Variants in SRGAP1 observed in about 807,000 individuals in gnomAD.
SRGAP1 encodes SLIT-ROBO Rho GTPase-activating protein 1.
In SRGAP1, 43 loss-of-function variants were observed where a neutral mutation model predicts 121.9. That is an observed-to-expected ratio of 0.35 (90% confidence interval 0.28 to 0.46). The LOEUF (loss-of-function observed/expected upper bound fraction) is 0.46, where lower values mean the gene tolerates loss of function less well. Ranked by LOEUF, SRGAP1 falls within the 20% of genes least tolerant of loss-of-function variation. The pLI, the probability that SRGAP1 is intolerant of heterozygous loss-of-function variation, is 1.00. For missense variants in SRGAP1, 1,102 were observed against 1,350.9 expected (o/e 0.82, Z 2.89); for synonymous variants, 447 against 485.4 (o/e 0.92, Z 1.04).
At chr12:63,889,411 G>T (rs545829968) in intron 1 of SRGAP1, among the ~76,000 whole-genome samples, 1 of 152,082 alleles carries the variant, frequency 6.6e-6, no homozygotes, top group Non-Finnish European at 1.5e-5. Context: ...GGTGATCCCC[G>T]TTCCTATTCC....
intron 8 of SRGAP1, among the ~76,000 whole-genome samples, chr12:64,069,661 C>T (rs1050396760): frequency 6.6e-6 from 1 of 152,056 alleles, no homozygotes; most frequent in Admixed American, 6.6e-5. Flanking sequence ...ATAAACATTA[C>T]TTTTGTTTTT....
intron 21 of SRGAP1, among the ~76,000 whole-genome samples, chr12:64,132,635 GA>G: frequency 6.6e-6 from 1 of 152,300 alleles, no homozygotes; most frequent in Middle Eastern, 3.4e-3. Context: ...GAAGGTCCCT[GA>G]ATTTTAGTCA....
chr12:64,014,296 G>C (rs1377604135), intron 3 of SRGAP1, among the ~76,000 whole-genome samples: 1 of 152,110 alleles, frequency 6.6e-6, no homozygotes, highest in Admixed American at 6.6e-5. Context: ...AGGGCCTCTG[G>C]GGAATGACAA....
At chr12:63,973,826 GT>G (rs1253793646) in intron 1 of SRGAP1, among the ~76,000 whole-genome samples, 2 of 151,938 alleles carry the variant, frequency 1.3e-5, no homozygotes, top group Non-Finnish European at 2.9e-5. Flanking sequence ...AGAAAAACAT[GT>G]GTAAACTTTG....
intron 21 of SRGAP1, among the ~76,000 whole-genome samples, chr12:64,141,495 G>A (rs1017324720): frequency 3.3e-5 from 5 of 151,972 alleles, no homozygotes; most frequent in Admixed American, 2.6e-4. Context: ...CAGGAGAATT[G>A]TTTGAACCCG....
chr12:63,899,427 T>C (rs1200887303), intron 1 of SRGAP1, among the ~76,000 whole-genome samples: 1 of 152,168 alleles, frequency 6.6e-6, no homozygotes, highest in African/African-American at 2.4e-5. Flanking sequence ...ACCAATTAAA[T>C]TTAACAGAGT....
At chr12:64,052,692 C>T (rs2035259948) in intron 6 of SRGAP1, among the ~76,000 whole-genome samples, 2 of 151,968 alleles carry the variant, frequency 1.3e-5, no homozygotes, top group African/African-American at 4.8e-5. Context: ...TAAAGCTCAC[C>T]AATATACTTG....
At chr12:63,971,469 G>C (rs2032945393) in intron 1 of SRGAP1, among the ~76,000 whole-genome samples, 1 of 152,124 alleles carries the variant, frequency 6.6e-6, no homozygotes, top group Non-Finnish European at 1.5e-5. Flanking sequence ...ATTGTTTAAT[G>C]AACATTGTTG....
At position 64,115,432 on chromosome 12, in the gene SRGAP1, A is replaced by G. The variant is rs1592335506; in HGVS notation, c.2145-382A>G. 2.0e-5 allele frequency among the ~76,000 whole-genome samples: 3 copies of G among 152,250 alleles called. No individual in the cohort carries two copies. In the East Asian group the frequency reaches 5.8e-4, roughly 29 times the overall value. ...TACTCTTTTGTCCTTATAGAGTCTT[A>G]TAGTTTTCATTACAGTAGCAATTGC... On this transcript the variant is annotated intron_variant, in intron 17 of 21. Coordinates refer to ENST00000355086, the MANE Select transcript of SRGAP1 (RefSeq NM_020762.4).
chr12:63,960,019 C>G (rs895934006), intron 1 of SRGAP1, among the ~76,000 whole-genome samples: 2 of 151,356 alleles, frequency 1.3e-5, no homozygotes, highest in Non-Finnish European at 2.9e-5. Flanking sequence ...GGACTTGACC[C>G]TGTGGCCTCC....
chr12:64,138,330 A>AT (rs974544286), intron 21 of SRGAP1, among the ~76,000 whole-genome samples: 1 of 151,202 alleles, frequency 6.6e-6, no homozygotes, highest in Non-Finnish European at 1.5e-5. Flanking sequence ...CATAATTTAA[A>AT]TTTTTTTGTA....
chr12:64,075,571 G>A (rs2035722303), intron 8 of SRGAP1, among the ~76,000 whole-genome samples: 1 of 152,130 alleles, frequency 6.6e-6, no homozygotes, highest in Non-Finnish European at 1.5e-5. Context: ...ACATCTGTTT[G>A]TTTGAAATAC....
At chr12:64,139,934 G>A (rs1220681198) in intron 21 of SRGAP1, among the ~76,000 whole-genome samples, 3 of 150,970 alleles carry the variant, frequency 2.0e-5, no homozygotes, top group African/African-American at 7.3e-5. Context: ...TGTAAGGAAG[G>A]GATCCAGTTT....
chr12:63,905,308 G>A (rs1283053097), intron 1 of SRGAP1, among the ~76,000 whole-genome samples: 1 of 152,174 alleles, frequency 6.6e-6, no homozygotes, highest in Non-Finnish European at 1.5e-5. Context: ...GGAGTGGGTA[G>A]TGGCCACATG....
At chr12:63,882,945 G>A (rs1900245025) in intron 1 of SRGAP1, among the ~76,000 whole-genome samples, 1 of 152,138 alleles carries the variant, frequency 6.6e-6, no homozygotes, top group South Asian at 2.1e-4. Flanking sequence ...CCCATTCAGG[G>A]GATCCCAAGA....
chr12:64,040,085 G>T (rs1047895545), intron 4 of SRGAP1, among the ~76,000 whole-genome samples: 1 of 152,006 alleles, frequency 6.6e-6, no homozygotes, highest in African/African-American at 2.4e-5. Context: ...ATAAGTAAAG[G>T]TTCTTCGTTA....
intron 10 of SRGAP1, 127 bp downstream of exon 10, chr12:64,080,497 G>T: frequency 1.1e-6 from 1 of 870,584 alleles, no homozygotes; most frequent in South Asian, 1.4e-5. Flanking sequence ...TTTAGATTTG[G>T]TTTTGTTTGT....
chr12:64,106,826 A>G (rs915782687), intron 15 of SRGAP1, among the ~76,000 whole-genome samples: 17 of 152,308 alleles, frequency 1.1e-4, no homozygotes, highest in African/African-American at 3.6e-4. Context: ...CCTTGTTCAT[A>G]GCGTTATATT....
intron 1 of SRGAP1, among the ~76,000 whole-genome samples, chr12:63,875,461 GCA>G (rs1033793495): frequency 3.9e-4 from 59 of 152,260 alleles, no homozygotes; most frequent in African/African-American, 1.3e-3. Flanking sequence ...AAACAAAATT[GCA>G]CAGTGTTAAA....
Sources: allele counts gnomAD v4.1 joint callset (sites outside exome capture counted in the v4.1 genomes callset), GRCh38; gene constraint gnomAD v4.1.1; transcripts MANE v1.5; gene names NCBI Gene and HGNC (gene_info 2026-07-23, HGNC 2026-07-21).